Variants in CATSPERT observed in about 807,000 individuals in gnomAD.
CATSPERT encodes the protein cation channel sperm-associated targeting subunit tau.
chr2:201,594,088 T>A, the CATSPERT span, among the ~76,000 whole-genome samples: 1 of 151,920 alleles, frequency 6.6e-6, no homozygotes, highest in Admixed American at 6.6e-5. Context: ...GGTCTTTACA[T>A]TTTGGCATGA....
chr2:201,570,221 T>C, the CATSPERT span, among the ~76,000 whole-genome samples: 1 of 152,114 alleles, frequency 6.6e-6, no homozygotes, highest in Non-Finnish European at 1.5e-5. Flanking sequence ...TCCATATCAA[T>C]AAACTCAGCC....
the CATSPERT span, chr2:201,494,503 G>T: frequency 6.5e-7 from 1 of 1,536,840 alleles, no homozygotes. Flanking sequence ...ATTGATAGTA[G>T]GATCAGGGGC....
the CATSPERT span, among the ~76,000 whole-genome samples, chr2:201,574,635 C>T: frequency 2.0e-5 from 3 of 151,978 alleles, no homozygotes; most frequent in Non-Finnish European, 4.4e-5. Context: ...TAATTATTTA[C>T]TCACACTCCT....
chr2:201,540,473 A>AC, the CATSPERT span, among the ~76,000 whole-genome samples: 5 of 152,210 alleles, frequency 3.3e-5, no homozygotes, highest in Admixed American at 3.3e-4. Flanking sequence ...ATGCTCATTT[A>AC]CCATTCTAAA....
At chr2:201,501,875 T>C in the CATSPERT span, among the ~76,000 whole-genome samples, 8 of 152,236 alleles carry the variant, frequency 5.3e-5, no homozygotes, top group Non-Finnish European at 8.8e-5. Context: ...GACTTATAAG[T>C]GAAGAAATTA....
chr2:201,580,573 C>T, the CATSPERT span, among the ~76,000 whole-genome samples: 4 of 152,050 alleles, frequency 2.6e-5, no homozygotes, highest in Non-Finnish European at 4.4e-5. Context: ...ACGAATTTTC[C>T]TTTATTCAGA....
At chr2:201,489,198 G>T in the CATSPERT span, among the ~76,000 whole-genome samples, 2 of 152,178 alleles carry the variant, frequency 1.3e-5, no homozygotes, top group African/African-American at 4.8e-5. Context: ...TTAACTGAGA[G>T]AAATAAAGAT....
the CATSPERT span, among the ~76,000 whole-genome samples, chr2:201,548,626 A>C: frequency 6.6e-6 from 1 of 152,170 alleles, no homozygotes; most frequent in African/African-American, 2.4e-5. Flanking sequence ...AAGCTTGAAT[A>C]CCTTAAAGAT....
At chr2:201,587,364 G>A in the CATSPERT span, among the ~76,000 whole-genome samples, 1 of 151,912 alleles carries the variant, frequency 6.6e-6, no homozygotes, top group Non-Finnish European at 1.5e-5. Context: ...AGCTTTCTTT[G>A]ATATTTATTA....
chr2:201,560,257 G>A, the CATSPERT span, among the ~76,000 whole-genome samples: 1 of 151,724 alleles, frequency 6.6e-6, no homozygotes, highest in Non-Finnish European at 1.5e-5. Context: ...GCGAAACCCT[G>A]TCTCTAGTAA....
At chr2:201,519,220 A>T in the CATSPERT span, among the ~76,000 whole-genome samples, 1 of 152,154 alleles carries the variant, frequency 6.6e-6, no homozygotes, top group Non-Finnish European at 1.5e-5. Context: ...CCACTGCCAT[A>T]AACTCTCCCA....
chr2:201,523,562 A>T, the CATSPERT span, among the ~76,000 whole-genome samples: 5 of 152,338 alleles, frequency 3.3e-5, no homozygotes, highest in African/African-American at 1.2e-4. Context: ...CCAGTGAAAG[A>T]ACTCTGGCAA....
the CATSPERT span, among the ~76,000 whole-genome samples, chr2:201,502,115 G>A: frequency 6.6e-6 from 1 of 152,200 alleles, no homozygotes; most frequent in Non-Finnish European, 1.5e-5. Context: ...GGCTTCTGCT[G>A]CTCAAGACCA....
the CATSPERT span, among the ~76,000 whole-genome samples, chr2:201,585,378 T>C: frequency 7.7e-6 from 1 of 129,142 alleles, no homozygotes; most frequent in Non-Finnish European, 1.7e-5. Context: ...GAACTTAAAG[T>C]ATTAAAAAAA....
the CATSPERT span, among the ~76,000 whole-genome samples, chr2:201,591,306 G>A: frequency 3.4e-4 from 51 of 152,110 alleles, no homozygotes; most frequent in African/African-American, 1.0e-3. Context: ...GATATGTGGC[G>A]TTATTTCTAA....
chr2:201,534,013 G>C, the CATSPERT span, among the ~76,000 whole-genome samples: 14 of 151,792 alleles, frequency 9.2e-5, no homozygotes, highest in African/African-American at 3.4e-4. Flanking sequence ...TAATTCCCAA[G>C]ATTACACGGA....
At chr2:201,579,174 T>G in the CATSPERT span, among the ~76,000 whole-genome samples, 1 of 152,132 alleles carries the variant, frequency 6.6e-6, no homozygotes, top group Admixed American at 6.5e-5. Flanking sequence ...ATTCTAGAAT[T>G]TTTTCTAATA....
chr2:201,581,544 GTGTGTATATA>G, the CATSPERT span, among the ~76,000 whole-genome samples: 1 of 9,372 alleles, frequency 1.1e-4, no homozygotes, highest in Non-Finnish European at 1.9e-4. Context: ...GGAAAAAAAT[GTGTGTATATA>G]TATATATATA....
the CATSPERT span, among the ~76,000 whole-genome samples, chr2:201,504,294 A>C: frequency 1.3e-5 from 2 of 152,306 alleles, no homozygotes; most frequent in African/African-American, 4.8e-5. Flanking sequence ...TACAATTATA[A>C]GGCTCACTTT....
Sources: allele counts gnomAD v4.1 joint callset (sites outside exome capture counted in the v4.1 genomes callset), GRCh38; gene constraint gnomAD v4.1.1; transcripts MANE v1.5; gene names NCBI Gene and HGNC (gene_info 2026-07-23, HGNC 2026-07-21).